The following PSD3 variants were observed in gnomAD, a reference collection of about 807,000 sequenced individuals.
PSD3 encodes the protein PH and SEC7 domain-containing protein 3.
A neutral mutation model predicts 105.5 loss-of-function variants in PSD3; 49 were observed. The observed-to-expected ratio is 0.46, with a 90% CI of 0.37 to 0.59. The LOEUF (loss-of-function observed/expected upper bound fraction) is 0.59. Ranked by LOEUF, PSD3 falls within the 20% of genes least tolerant of loss-of-function variation. PSD3 has a pLI of 0.00. For synonymous variants in PSD3, 557 were observed against 457.8 expected, an observed-to-expected ratio of 1.22 and a Z score of -2.77; for missense variants, 1,561 against 1,263.8, an observed-to-expected ratio of 1.24 and a Z score of -3.57.
chr8:18,675,060 G>C (rs967182331), intron 9 of PSD3, among the ~76,000 whole-genome samples: 1 of 114,014 alleles, frequency 8.8e-6, no homozygotes, highest in African/African-American at 2.5e-5. Flanking sequence ...AAATCTGCTG[G>C]ACCTTTATCT....
At chr8:18,665,701 A>G (rs751332471) in intron 9 of PSD3, among the ~76,000 whole-genome samples, 1 of 152,166 alleles carries the variant, frequency 6.6e-6, no homozygotes, top group Non-Finnish European at 1.5e-5. Context: ...AAGAGTCTAC[A>G]GCTGGGTGTG....
chr8:19,010,798 G>A (rs1031373934), intron 1 of PSD3, among the ~76,000 whole-genome samples: 3 of 152,006 alleles, frequency 2.0e-5, no homozygotes, highest in Non-Finnish European at 2.9e-5. Flanking sequence ...ATGAAAGCCA[G>A]GCTGGTTTAA....
chr8:18,948,997 C>T (rs1477236822), intron 1 of PSD3, among the ~76,000 whole-genome samples: 1 of 150,974 alleles, frequency 6.6e-6, no homozygotes, highest in Non-Finnish European at 1.5e-5. Flanking sequence ...ATAAGACAGG[C>T]AAAAGATTGC....
chr8:18,624,945 A>C (rs558900339), intron 11 of PSD3, among the ~76,000 whole-genome samples: 44 of 152,104 alleles, frequency 2.9e-4, no homozygotes, highest in African/African-American at 1.1e-3. Context: ...TATGTTGCCC[A>C]GGCTGGTCTT....
intron 8 of PSD3, among the ~76,000 whole-genome samples, chr8:18,784,555 T>A (rs1275226528): frequency 6.6e-6 from 1 of 152,210 alleles, no homozygotes; most frequent in Non-Finnish European, 1.5e-5. Flanking sequence ...TAGCAGTGGG[T>A]TGTCAGTTAT....
intron 11 of PSD3, among the ~76,000 whole-genome samples, chr8:18,630,193 A>C (rs1057364800): frequency 6.6e-6 from 1 of 151,628 alleles, no homozygotes; most frequent in Non-Finnish European, 1.5e-5. Context: ...AACTTGCTAC[A>C]AAGACAAAAG....
chr8:18,548,027 G>C (rs1053616852), intron 15 of PSD3, among the ~76,000 whole-genome samples: 3 of 151,776 alleles, frequency 2.0e-5, no homozygotes, highest in Admixed American at 2.0e-4. Context: ...ATCTGATTAG[G>C]TATTTTTAAC....
intron 13 of PSD3, among the ~76,000 whole-genome samples, chr8:18,574,505 C>T (rs1802354066): frequency 6.6e-6 from 1 of 152,166 alleles, no homozygotes; most frequent in Non-Finnish European, 1.5e-5. Context: ...AACTTGTTTC[C>T]TTATAACCTC....
intron 14 of PSD3, among the ~76,000 whole-genome samples, chr8:18,564,123 T>A (rs1339572870): frequency 6.7e-6 from 1 of 150,032 alleles, no homozygotes; most frequent in Non-Finnish European, 1.5e-5. Context: ...TTTTTTTTTT[T>A]AATCTAAGCA....
upstream of PSD3, chr8:19,084,731 G>A (rs1563553082): frequency 3.3e-6 from 1 of 304,966 alleles, no homozygotes; most frequent in Non-Finnish European, 6.5e-6. Flanking sequence ...CCGTCTCAGG[G>A]CCTGCCTTCT....
chr8:19,044,148 G>A (rs1000694095), intron 1 of PSD3, among the ~76,000 whole-genome samples: 1 of 152,134 alleles, frequency 6.6e-6, no homozygotes. Flanking sequence ...TCTGCTTTTC[G>A]TTTTCAGGAC....
chr8:18,761,153 G>A (rs909255147), intron 9 of PSD3, among the ~76,000 whole-genome samples: 2 of 152,138 alleles, frequency 1.3e-5, no homozygotes, highest in African/African-American at 4.8e-5. Flanking sequence ...AGAAGGATAG[G>A]CCCAGGAGAA....
At chr8:18,616,488 A>C (rs1473253885) in intron 11 of PSD3, among the ~76,000 whole-genome samples, 1 of 152,138 alleles carries the variant, frequency 6.6e-6, no homozygotes, top group Non-Finnish European at 1.5e-5. Context: ...AGTGTCTGAC[A>C]TCTTTAAGGG....
chr8:18,639,758 G>A (rs1807509470), intron 10 of PSD3, among the ~76,000 whole-genome samples: 1 of 152,094 alleles, frequency 6.6e-6, no homozygotes, highest in Admixed American at 6.6e-5. Flanking sequence ...CCCATTTGTG[G>A]CATTTTGTTA....
At chr8:18,866,191 T>G (rs1430953755) in intron 4 of PSD3, among the ~76,000 whole-genome samples, 1 of 152,204 alleles carries the variant, frequency 6.6e-6, no homozygotes, top group Non-Finnish European at 1.5e-5. Flanking sequence ...CAATTTGCAG[T>G]CCTCAGAGAC....
intron 9 of PSD3, chr8:18,684,052 G>A (rs547960910): frequency 1.9e-4 from 118 of 634,156 alleles, no homozygotes; most frequent in Non-Finnish European, 3.0e-4. Context: ...TGAGCGCCGT[G>A]ATCCGCGTTA....
intron 4 of PSD3, among the ~76,000 whole-genome samples, chr8:18,858,629 A>T (rs904187941): frequency 2.0e-5 from 3 of 152,106 alleles, no homozygotes; most frequent in Non-Finnish European, 4.4e-5. Context: ...AAATATTCCA[A>T]ATCCTTTGTA....
chr8:18,754,954 T>G (rs7833606), intron 9 of PSD3, among the ~76,000 whole-genome samples: 4 of 152,154 alleles, frequency 2.6e-5, no homozygotes, highest in Non-Finnish European at 5.9e-5. Context: ...TATCCTTGCA[T>G]TGCTGGTCTG....
chr8:18,973,899 T>G (rs146750586), intron 1 of PSD3, among the ~76,000 whole-genome samples: 8 of 152,306 alleles, frequency 5.3e-5, no homozygotes, highest in Non-Finnish European at 1.2e-4. Context: ...AGGTCGATAC[T>G]GCTATTATGA....
Sources: allele counts gnomAD v4.1 joint callset (sites outside exome capture counted in the v4.1 genomes callset), GRCh38; gene constraint gnomAD v4.1.1; transcripts MANE v1.5; gene names NCBI Gene and HGNC (gene_info 2026-07-23, HGNC 2026-07-21).